The following CALHM2 variants were observed in gnomAD, a reference collection of about 807,000 sequenced individuals.
CALHM2 encodes the protein calcium homeostasis modulator protein 2.
In CALHM2, 18 loss-of-function variants were observed where a neutral mutation model predicts 20.4. The ratio of observed to expected loss-of-function variants is 0.88; its 90% confidence interval spans 0.61 to 1.31. The LOEUF (loss-of-function observed/expected upper bound fraction) is 1.31, where lower values mean the gene tolerates loss of function less well. CALHM2 is among the 50% of genes most tolerant of loss of function. The pLI is 0.00. For missense variants in CALHM2, 411 were observed against 435.7 expected, an observed-to-expected ratio of 0.94 and a Z score of 0.50; for synonymous variants, 193 against 192.1, an observed-to-expected ratio of 1.00 and a Z score of -0.04.
In CALHM2 at chr10:103,447,378, C is replaced by T. The variant is rs777338270; in HGVS notation, c.746G>A (p.Arg249His). Reference protein sequence around the residue: ...SRVLAANNVRRFFGFVALNKD... With the variant: ...SRVLAANNVRHFFGFVALNKD... ...GTTGAGCGCCACAAAGCCAAAGAAG[C>T]GGCGCACATTGTTGGCAGCGAGCAC... Residue 249 changes from arginine (R) to histidine (H), a missense_variant, in exon 4 of 4, where the codon CGC (arginine) becomes CAC (histidine). Arg to His is a conservative substitution (Grantham distance 29, BLOSUM62 0). Transcript: ENST00000260743. 1.7e-5 allele frequency: 28 copies of T among 1,613,918 alleles called. No homozygotes were observed. The highest frequency in any genetic ancestry group is 2.2e-5 in the East Asian group (1 of 44,892).
At position 103,447,052 on chromosome 10, in the gene CALHM2, A is replaced by C; in HGVS notation, c.*100T>G. On this transcript the variant is annotated 3_prime_UTR_variant, in exon 4 of 4. Transcript: ENST00000260743. ...CCTTTCCCCTGGCCAAGAAGATAAC[A>C]GTTTTTTAAAAATCCCCTTCTGATA... 1 of 1,278,222 alleles carries C rather than the reference A, an allele frequency of 7.8e-7. No individual in the cohort carries two copies. Among genetic ancestry groups the C allele is most frequent in the Non-Finnish European group, 1.1e-6 (1 of 923,834 alleles). 79.2% of individuals were successfully genotyped at this position (1,278,222 alleles called of 1,614,324 possible).
Position 103,449,387 on chromosome 10 carries a change from C to G in CALHM2, c.555G>C (p.Gln185His), listed in dbSNP as rs1390243714. Residue 185 changes from glutamine to histidine, a missense_variant and splice_region_variant, in exon 3 of 4, where the codon CAG becomes CAC. Coordinates refer to ENST00000260743, the MANE Select transcript of CALHM2 (RefSeq NM_015916.5). ...AGCTTCCCTTTGCACAGCTCCTTAC[C>G]TGGGACTCATACCTGAGCCTGCGGC... Reference protein sequence around the residue: ...EVSRRLRYESQLFGWLLIGVV... With the variant: ...EVSRRLRYESHLFGWLLIGVV... 2.5e-6 allele frequency: 4 copies of G among 1,612,200 alleles called. No individual in the cohort carries two copies. The African/African-American group carries it at 4.0e-5, about 16-fold the overall frequency.
At position 103,447,366 on chromosome 10, in the gene CALHM2, A is replaced by G; in HGVS notation, c.758T>C (p.Phe253Ser). The stretch of plus-strand genomic sequence containing the variant: ...CTCATCATCCTTGTTGAGCGCCACA[A>G]AGCCAAAGAAGCGGCGCACATTGTT... The part of the protein sequence containing the change: ...AANNVRRFFG[F>S]VALNKDDEEL... The change falls in exon 4 of 4, where the codon TTT becomes TCT. Residue 253 changes from phenylalanine (F) to serine (S), a missense_variant. Coordinates refer to ENST00000260743, the MANE Select transcript of CALHM2 (RefSeq NM_015916.5). 6.2e-7 allele frequency: 1 copy of G among 1,614,136 alleles called. No homozygotes were observed. The highest frequency in any genetic ancestry group is 1.1e-5 in the South Asian group (1 of 91,086).
rs2032905817 is a variant in CALHM2, at chr10:103,450,062, T to A, written c.-121A>T. The A allele has an allele frequency of 3.5e-6, 3 of 858,948 alleles. No homozygotes were observed. Among genetic ancestry groups the A allele is most frequent in the Non-Finnish European group, 5.4e-6 (3 of 552,264 alleles). The allele number at this position is 858,948 out of a possible 1,614,324, so 53.2% of individuals were successfully genotyped here. A position where few individuals can be genotyped will look rare whatever the true frequency, so the allele number is the denominator to read the frequency against. ...GGCGCTGGACGGCAGGGTGTGGTTG[T>A]GCTATTTTATCCCCAGCTGTGGTTG... On this transcript the variant is annotated 5_prime_UTR_variant, in exon 3 of 4. Transcript: ENST00000260743.
chr10:103,447,627 C>T (rs569104508), intron 3 of CALHM2, 59 bp from the exon 4 acceptor site: 22 of 1,417,284 alleles, frequency 1.6e-5, no homozygotes, highest in Admixed American at 2.4e-5. Flanking sequence ...CCCTACCCCC[C>T]AGAGCGAATG....
At position 103,449,755 on chromosome 10, in the gene CALHM2, C is replaced by T. The variant is rs775685617; in HGVS notation, c.187G>A (p.Val63Met). 1.6e-5 allele frequency: 26 copies of T among 1,613,308 alleles called. No individual in the cohort carries two copies. Among genetic ancestry groups the T allele is most frequent in the African/African-American group, 2.7e-5 (2 of 74,940 alleles). Residue 63 changes from valine to methionine, a missense_variant, in exon 3 of 4, where the codon GTG (valine) becomes ATG (methionine). Physicochemically the swap from Val to Met is conservative, Grantham distance 21. Transcript: ENST00000260743. ...ATGATGAAGAGCACCAGGGCGGGCA[C>T]GCCGATGGCCGCCAGCCCGTACAGG... ...NYLYGLAAIG[V>M]PALVLFIIGI...
chr10:103,450,071 A>G lies in CALHM2; in HGVS notation c.-130T>C. The G allele has an allele frequency of 1.3e-6, 1 of 795,500 alleles. No homozygotes were observed. The highest frequency in any genetic ancestry group is 2.0e-6 in the Non-Finnish European group (1 of 500,394). 49.3% of individuals were successfully genotyped at this position (795,500 alleles called of 1,614,324 possible). A position where few individuals can be genotyped will look rare whatever the true frequency, so the allele number is the denominator to read the frequency against. ...CGGCAGGGTGTGGTTGTGCTATTTT[A>G]TCCCCAGCTGTGGTTGGCCTGGTGT... On this transcript the variant is annotated 5_prime_UTR_variant, in exon 3 of 4. It removes the in-frame stop codon of an upstream open reading frame in the 5' UTR. Coordinates refer to ENST00000260743, the MANE Select transcript of CALHM2 (RefSeq NM_015916.5).
Position 103,449,763 on chromosome 10 carries a change from G to A in CALHM2, c.179C>T (p.Ala60Val). The change falls in exon 3 of 4, where the codon GCC (alanine) becomes GTC (valine). Residue 60 changes from alanine (A) to valine (V), a missense_variant. By Grantham distance (64) the Ala-to-Val change is moderately conservative. Transcript: ENST00000260743. Reference protein sequence around the residue: ...PARNYLYGLAAIGVPALVLFI... With the variant: ...PARNYLYGLAVIGVPALVLFI... ...GAGCACCAGGGCGGGCACGCCGATGGCCGCCAGCCCGTACAGGTAGTTCCG... is the reference window on the plus strand; with the variant it reads ...GAGCACCAGGGCGGGCACGCCGATGACCGCCAGCCCGTACAGGTAGTTCCG... 1 of 1,613,442 alleles carries A rather than the reference G, an allele frequency of 6.2e-7. No individual in the cohort carries two copies.
chr10:103,449,400 C>T lies in CALHM2; in HGVS notation c.542G>A (p.Arg181Lys). ...DFREEVSRRL[R>K]YESQLFGWLL... ...ACAGCTCCTTACCTGGGACTCATAC[C>T]TGAGCCTGCGGCTGACCTCCTCCCG... The change falls in exon 3 of 4, where the codon AGG becomes AAG. Residue 181 changes from arginine (R) to lysine (K), a missense_variant. Transcript: ENST00000260743. 9 of 1,612,788 alleles carry T rather than the reference C, an allele frequency of 5.6e-6. No individual in the cohort carries two copies. The highest frequency in any genetic ancestry group is 7.6e-6 in the Non-Finnish European group (9 of 1,179,992).
At position 103,447,291 on chromosome 10, in the gene CALHM2, C is replaced by T. The variant is rs750780614; in HGVS notation, c.833G>A (p.Trp278Ter). The change falls in exon 4 of 4, where the codon TGG (tryptophan) becomes TAG (stop). Residue 278 changes from tryptophan (W) to a stop codon, truncating the protein, a stop_gained. Coordinates refer to ENST00000260743, the MANE Select transcript of CALHM2 (RefSeq NM_015916.5). LOFTEE classifies it high-confidence loss of function. ...PVEGTQPRPQWNAITGVYLYR... is the reference protein window; with the variant it reads ...PVEGTQPRPQ ...CAAGTAGACGCCGGTGATGGCATTC[C>T]ACTGTGGCCGTGGCTGCGTGCCTTC... The T allele has an allele frequency of 3.1e-6, 5 of 1,614,146 alleles. No homozygotes were observed. Among genetic ancestry groups the T allele is most frequent in the East Asian group, 2.2e-5 (1 of 44,904 alleles).
intron 2 of CALHM2, 75 bp downstream of exon 2, chr10:103,451,008 C>T (rs2032950656): frequency 6.6e-6 from 1 of 152,208 alleles, no homozygotes; most frequent in Admixed American, 6.5e-5. Context: ...CTAACCACAA[C>T]CTAAGGAGAC....
chr10:103,449,229 C>G, intron 3 of CALHM2, 158 bp downstream of exon 3: 5 of 708,100 alleles, frequency 7.1e-6, no homozygotes, highest in South Asian at 4.7e-5. Flanking sequence ...GCCCTTGCCC[C>G]ACCATGCACC....
chr10:103,449,542 CACTG>C lies in CALHM2; in HGVS notation c.396_399del (p.Glu134SerfsTer67). The C allele has an allele frequency of 6.2e-7, 1 of 1,613,724 alleles. No homozygotes were observed. Among genetic ancestry groups the C allele is most frequent in the Non-Finnish European group, 8.5e-7 (1 of 1,180,048 alleles). On this transcript the variant is annotated frameshift_variant, in exon 3 of 4. Coordinates refer to ENST00000260743, the MANE Select transcript of CALHM2 (RefSeq NM_015916.5). LOFTEE classifies it high-confidence loss of function. ...GTGAGTGAGGAAGGGTCCACGAACT[CACTG>C]AGAGCACAGACATAAGCCTCACCAC...
Position 103,447,225 on chromosome 10 carries a change from T to G in CALHM2, c.899A>C (p.His300Pro). The change falls in exon 4 of 4, where the codon CAC (histidine) becomes CCC (proline). Residue 300 changes from histidine to proline, a missense_variant. Physicochemically the swap from His to Pro is moderately conservative, Grantham distance 77. Coordinates refer to ENST00000260743, the MANE Select transcript of CALHM2 (RefSeq NM_015916.5). ...GCCTGCCAGACCCTGGGCCCACTTG[T>G]GCAGGCGGCTGTAGAGTGGGAGGCC... ...NQGLPLYSRL[H>P]KWAQGLAGNG... 6.2e-7 allele frequency: 1 copy of G among 1,614,196 alleles called. No homozygotes were observed. The highest frequency in any genetic ancestry group is 8.5e-7 in the Non-Finnish European group (1 of 1,180,034).
At chr10:103,447,592 C>G in intron 3 of CALHM2, 24 bp from the exon 4 acceptor site, 1 of 1,551,594 alleles carries the variant, frequency 6.4e-7, no homozygotes, top group Non-Finnish European at 8.7e-7. Context: ...GGGCACAGTT[C>G]AGGAGGGGCG....
Position 103,447,319 on chromosome 10 carries a change from C to T in CALHM2, c.805G>A (p.Val269Met). The T allele has an allele frequency of 1.2e-6, 2 of 1,614,266 alleles. No individual in the cohort carries two copies. The highest frequency in any genetic ancestry group is 1.7e-6 in the Non-Finnish European group (2 of 1,180,042). The change falls in exon 4 of 4, where the codon GTG (valine) becomes ATG (methionine). Residue 269 changes from valine to methionine, a missense_variant. Transcript: ENST00000260743. Reference protein sequence around the residue: ...DDEELIANFPVEGTQPRPQWN... With the variant: ...DDEELIANFPMEGTQPRPQWN... ...TGTGGCCGTGGCTGCGTGCCTTCCA[C>T]TGGGAAGTTGGCAATCAGTTCCTCA... is the stretch of plus-strand genomic sequence containing the variant.
rs1439724893 is a variant in CALHM2 at position 103,449,642 on chromosome 10, G to A, written c.300C>T (p.Phe100=). ...GTCCCAGGATGGAGCTTAGAAGGAG[G>A]AAGGTGGGGGCGGCGGAGCAGTTCT... ...RTKNCSAAPT[F]LLLSSILGRA... The change falls in exon 3 of 4, where the codon TTC becomes TTT. Residue 100 remains phenylalanine (F), a synonymous_variant. Transcript: ENST00000260743. 9 of 1,613,828 alleles carry A rather than the reference G, an allele frequency of 5.6e-6. No individual in the cohort carries two copies. The highest frequency in any genetic ancestry group is 1.3e-5 in the African/African-American group (1 of 74,944).
In CALHM2 at chr10:103,451,143, T is replaced by G. The variant is rs1189206395; in HGVS notation, c.-219A>C. 6.6e-6 allele frequency: 1 copy of G among 152,434 alleles called. No individual in the cohort carries two copies. The highest frequency in any genetic ancestry group is 1.5e-5 in the Non-Finnish European group (1 of 68,274). The allele number at this position is 152,434 out of a possible 1,614,324, so 9.4% of individuals were successfully genotyped here. A position where few individuals can be genotyped will look rare whatever the true frequency, so the allele number is the denominator to read the frequency against. ...TCCTCTTCCGCAGCCGTGACCCCTC[T>G]CCTATCCAGCAGCCTCCCAGCAGCT... On this transcript the variant is annotated 5_prime_UTR_variant, in exon 2 of 4. Coordinates refer to ENST00000260743, the MANE Select transcript of CALHM2 (RefSeq NM_015916.5).
Position 103,449,914 on chromosome 10 carries a change from G to T in CALHM2, c.28C>A (p.Arg10Ser). 2 of 1,612,270 alleles carry T rather than the reference G, an allele frequency of 1.2e-6. No homozygotes were observed. The highest frequency in any genetic ancestry group is 1.7e-6 in the Non-Finnish European group (2 of 1,179,308). ...CTCTTGAAGAAAAGTGACAGGAAGC[G>T]GAAGTTCTCTGCGATCAGGGCTGCC... MAALIAENFRFLSLFFKSKD... is the reference protein window; with the variant it reads MAALIAENFSFLSLFFKSKD... Residue 10 changes from arginine (R) to serine (S), a missense_variant, in exon 3 of 4, where the codon CGC becomes AGC. Transcript: ENST00000260743.
Sources: gnomAD v4.1 joint callset for allele counts on GRCh38, gnomAD v4.1.1 for gene constraint, MANE v1.5 for transcripts, NCBI Gene and HGNC (gene_info 2026-07-23, HGNC 2026-07-21) for gene names.